TPD52: variants seen among roughly 807,000 people sequenced by gnomAD.
The protein encoded by TPD52 is prostate and colon associated protein.
TPD52 carries 17 observed loss-of-function variants against 31.3 expected under a neutral mutation model. That is an observed-to-expected ratio of 0.54 (90% CI 0.37 to 0.82). TPD52 has a LOEUF of 0.82. Ranked by LOEUF, TPD52 falls within the 40% of genes least tolerant of loss-of-function variation. The pLI, the probability that TPD52 is intolerant of heterozygous loss-of-function variation, is 0.00. For synonymous variants in TPD52, 83 were observed against 89.6 expected (o/e 0.93, Z 0.42); for missense variants, 212 against 240.1 (o/e 0.88, Z 0.77).
At chr8:80,051,050 T>C (rs1454875034) in intron 4 of TPD52, among the ~76,000 whole-genome samples, 2 of 149,416 alleles carry the variant, frequency 1.3e-5, no homozygotes, top group Admixed American at 6.7e-5. Context: ...GGCCTAAGCA[T>C]GAACATAGTT....
chr8:80,106,739 T>C (rs1339725836), intron 1 of TPD52, among the ~76,000 whole-genome samples: 1 of 149,662 alleles, frequency 6.7e-6, no homozygotes, highest in Non-Finnish European at 1.5e-5. Flanking sequence ...AAAGCCAAAA[T>C]GGACGCAAAA....
intron 1 of TPD52, among the ~76,000 whole-genome samples, chr8:80,137,891 T>C (rs536485833): frequency 2.0e-5 from 3 of 152,272 alleles, no homozygotes; most frequent in East Asian, 1.9e-4. Flanking sequence ...TGAGTCATGA[T>C]TGTGCTACTG....
intron 1 of TPD52, among the ~76,000 whole-genome samples, chr8:80,147,449 G>C (rs766223895): frequency 2.0e-5 from 3 of 152,218 alleles, no homozygotes; most frequent in Non-Finnish European, 2.9e-5. Context: ...GGTCTTACTG[G>C]TGACTCCGGT....
At chr8:80,117,465 T>A (rs1394918077) in intron 1 of TPD52, among the ~76,000 whole-genome samples, 1 of 152,074 alleles carries the variant, frequency 6.6e-6, no homozygotes, top group African/African-American at 2.4e-5. Flanking sequence ...CTGAAAGAAA[T>A]TAAATACATT....
At chr8:80,088,905 C>T (rs1177281217) in intron 1 of TPD52, among the ~76,000 whole-genome samples, 1 of 152,108 alleles carries the variant, frequency 6.6e-6, no homozygotes, top group Non-Finnish European at 1.5e-5. Context: ...CTGCATTAGC[C>T]AGGATGGTCT....
At chr8:80,072,347 G>GTATGTGTGTATATACATGTACACATAGA (rs1563597886) in intron 1 of TPD52, among the ~76,000 whole-genome samples, 18 of 147,406 alleles carry the variant, frequency 1.2e-4, no homozygotes, top group South Asian at 4.2e-4. Flanking sequence ...GTGTGTGTGT[G>GTATGTGTGTATATACATGTACACATAGA]TATGTGTGTA....
intron 1 of TPD52, among the ~76,000 whole-genome samples, chr8:80,106,438 G>A (rs1807115461): frequency 1.3e-5 from 2 of 151,996 alleles, no homozygotes; most frequent in African/African-American, 4.8e-5. Flanking sequence ...CTCACTGCAG[G>A]CTCCGCCTCC....
Position 80,082,118 on chromosome 8 carries a change from CTT to C in TPD52, c.20-17527_20-17526del, listed in dbSNP as rs376859746. On this transcript the variant is annotated intron_variant, in intron 1 of 7. Coordinates refer to ENST00000518937, the MANE Select transcript of TPD52 (RefSeq NM_001025253.3). ...CCACCGTGCCCGGACTATGGTAAGT[CTT>C]TTTTTTTTTTTTTTAAGTTTATTTT... is the stretch of plus-strand genomic sequence containing the variant. 4.4e-3 allele frequency among the ~76,000 whole-genome samples: 612 copies of C among 140,210 alleles called. 1 individual carries two copies. Among genetic ancestry groups the C allele is most frequent in the African/African-American group, 0.01 (394 of 38,632 alleles). The allele number at this position is 140,210 out of a possible 152,430, so 92.0% of individuals were successfully genotyped here.
chr8:80,062,599 T>C (rs932447920), intron 2 of TPD52, among the ~76,000 whole-genome samples: 1 of 152,102 alleles, frequency 6.6e-6, no homozygotes, highest in Non-Finnish European at 1.5e-5. Context: ...GCCAGGGATG[T>C]GGGGAAATTG....
intron 1 of TPD52, among the ~76,000 whole-genome samples, chr8:80,107,563 T>C (rs1289314132): frequency 6.6e-6 from 1 of 152,224 alleles, no homozygotes; most frequent in East Asian, 1.9e-4. Context: ...TCTGTCTTTG[T>C]ATGAATGTTT....
chr8:80,095,969 C>T (rs1006813271), intron 1 of TPD52, among the ~76,000 whole-genome samples: 1 of 151,862 alleles, frequency 6.6e-6, no homozygotes, highest in African/African-American at 2.4e-5. Context: ...TACATACATA[C>T]TATCGGCCAG....
chr8:80,094,472 A>G (rs1303104093), intron 1 of TPD52, among the ~76,000 whole-genome samples: 9 of 104,888 alleles, frequency 8.6e-5, no homozygotes, highest in Admixed American at 1.9e-4. Context: ...ATATATATAT[A>G]TATATATATA....
chr8:80,152,973 A>G (rs976407691), intron 1 of TPD52, among the ~76,000 whole-genome samples: 11 of 152,100 alleles, frequency 7.2e-5, no homozygotes, highest in Non-Finnish European at 1.3e-4. Flanking sequence ...TGTGAATAAA[A>G]TTAGTTTTTA....
intron 1 of TPD52, among the ~76,000 whole-genome samples, chr8:80,147,194 C>T (rs1023896916): frequency 1.3e-5 from 2 of 152,188 alleles, no homozygotes; most frequent in African/African-American, 2.4e-5. Flanking sequence ...TTTATCTATA[C>T]TCTTGTGTTC....
At chr8:80,133,483 T>G (rs13263717) in intron 1 of TPD52, among the ~76,000 whole-genome samples, 65,637 of 152,006 alleles carry the variant, frequency 0.43, 14,775 homozygotes, top group East Asian at 0.78. Flanking sequence ...TTCCTCTTTG[T>G]GTTCCTCCTG....
intron 1 of TPD52, among the ~76,000 whole-genome samples, chr8:80,167,466 C>G (rs1811791569): frequency 6.6e-6 from 1 of 152,176 alleles, no homozygotes; most frequent in Non-Finnish European, 1.5e-5. Flanking sequence ...CCCCTAGGGA[C>G]TAGGCAGCCT....
intron 1 of TPD52, among the ~76,000 whole-genome samples, chr8:80,087,210 T>C (rs1344642558): frequency 6.6e-6 from 1 of 152,164 alleles, no homozygotes; most frequent in East Asian, 1.9e-4. Flanking sequence ...CATAAGTAAG[T>C]GTGTGCCATA....
chr8:80,031,654 C>A (rs1809697261), downstream of TPD52, among the ~76,000 whole-genome samples: 1 of 151,878 alleles, frequency 6.6e-6, no homozygotes, highest in Non-Finnish European at 1.5e-5. Flanking sequence ...GATGAGGAGT[C>A]CGAGACCAGC....
chr8:80,131,551 G>A (rs1376638310), intron 1 of TPD52, among the ~76,000 whole-genome samples: 1 of 152,148 alleles, frequency 6.6e-6, no homozygotes, highest in Non-Finnish European at 1.5e-5. Context: ...AGTTATAGGT[G>A]GAACCAGTTA....
Sources: gnomAD v4.1 joint callset for allele counts (sites outside exome capture counted in the v4.1 genomes callset) on GRCh38, gnomAD v4.1.1 for gene constraint, MANE v1.5 for transcripts, NCBI Gene and HGNC (gene_info 2026-07-23, HGNC 2026-07-21) for gene names.